Variants in MRNIP observed in about 807,000 individuals in gnomAD.
MRNIP encodes the protein MRN complex-interacting protein.
Under a neutral mutation model 29.8 loss-of-function variants are expected in MRNIP, and 30 were observed. The ratio of observed to expected loss-of-function variants is 1.01; its 90% CI spans 0.75 to 1.36. The LOEUF (loss-of-function observed/expected upper bound fraction) is 1.36. MRNIP is among the 40% of genes most tolerant of loss of function. The pLI is 0.00. For missense variants in MRNIP, 459 were observed against 423.5 expected (o/e 1.08, Z -0.74); for synonymous variants, 201 against 164.1 (o/e 1.23, Z -1.72).
intron 6 of MRNIP, chr5:179,840,588 A>T: frequency 1.8e-6 from 1 of 565,252 alleles, no homozygotes; most frequent in Non-Finnish European, 3.1e-6. Flanking sequence ...GATGGCCCTG[A>T]CCCATCGTCA....
At position 179,840,946 on chromosome 5, in the gene MRNIP, T is replaced by TC. The variant is rs1205899165; in HGVS notation, c.462dup (p.Ser155GlufsTer18). On this transcript the variant is annotated frameshift_variant, in exon 6 of 7. Transcript: ENST00000292586. LOFTEE classifies it high-confidence loss of function. ...CGGCTGCACGGAGGCTGGACGGTGCTCCTGCTCCACTTCCTGTCAGGACAG... is the reference window on the plus strand; with the variant it reads ...CGGCTGCACGGAGGCTGGACGGTGCTCCCTGCTCCACTTCCTGTCAGGACAG... 5 of 1,607,578 alleles carry TC rather than the reference T, an allele frequency of 3.1e-6. No homozygotes were observed. The highest frequency in any genetic ancestry group is 4.2e-6 in the Non-Finnish European group (5 of 1,177,412).
intron 4 of MRNIP, among the ~76,000 whole-genome samples, chr5:179,842,277 C>T (rs932412975): frequency 6.6e-6 from 1 of 152,106 alleles, no homozygotes; most frequent in South Asian, 2.1e-4. Flanking sequence ...CGGCAGGGCA[C>T]GGCCCACCAA....
chr5:179,840,740 A>G (rs2113539327), intron 6 of MRNIP, 132 bp downstream of exon 6: 1 of 724,914 alleles, frequency 1.4e-6, no homozygotes, highest in South Asian at 1.7e-5. Flanking sequence ...CAGAAAAGAC[A>G]AGAAACCCGG....
At chr5:179,841,879 A>T (rs1479270766) in intron 5 of MRNIP, 28 bp downstream of exon 5, 1 of 1,609,838 alleles carries the variant, frequency 6.2e-7, no homozygotes, top group Non-Finnish European at 8.5e-7. Context: ...GCCCTGGGCC[A>T]GGGCTGGAAC....
In MRNIP at chr5:179,837,581, G is replaced by A; in HGVS notation, c.842C>T (p.Ala281Val). Residue 281 changes from alanine (A) to valine (V), a missense_variant, in exon 7 of 7, where the codon GCC (alanine) becomes GTC (valine). By Grantham distance (64) the Ala-to-Val change is moderately conservative. Coordinates refer to ENST00000292586, the MANE Select transcript of MRNIP (RefSeq NM_016175.4). ...ASREGLSRPT[A>V]AVQLPRATHP... ...TGTGGCCCGAGGAAGCTGGACAGCG[G>A]CAGTGGGCCTGCTGAGGCCTTCTCT... The A allele has an allele frequency of 6.2e-7, 1 of 1,614,250 alleles. No homozygotes were observed. The highest frequency in any genetic ancestry group is 8.5e-7 in the Non-Finnish European group (1 of 1,180,046).
At chr5:179,848,100 G>C in intron 2 of MRNIP, 34 bp from the exon 3 acceptor site, 1 of 1,515,884 alleles carries the variant, frequency 6.6e-7, no homozygotes, top group Non-Finnish European at 9.2e-7. Flanking sequence ...CATTGAAAAA[G>C]TGCTGGCAGA....
Position 179,840,858 on chromosome 5 carries a change from T to C in MRNIP, c.537+14A>G. Reference sequence around the variant, plus strand: ...GTGGTCACTGGGACCAGAGAGAAACTGTTTGTCACTGACCTTCTGGGGTCC... The same window carrying C: ...GTGGTCACTGGGACCAGAGAGAAACCGTTTGTCACTGACCTTCTGGGGTCC... On this transcript the variant is annotated intron_variant, in intron 6 of 6. Coordinates refer to ENST00000292586, the MANE Select transcript of MRNIP (RefSeq NM_016175.4). 6.3e-7 allele frequency: 1 copy of C among 1,579,532 alleles called. No individual in the cohort carries two copies. The highest frequency in any genetic ancestry group is 8.7e-7 in the Non-Finnish European group (1 of 1,151,690).
At chr5:179,841,229 G>T in intron 5 of MRNIP, 1 of 463,392 alleles carries the variant, frequency 2.2e-6, no homozygotes, top group Non-Finnish European at 3.9e-6. Flanking sequence ...TGACCTCCTG[G>T]GCTCAGGTGA....
chr5:179,851,354 G>C (rs1384869917), intron 2 of MRNIP: 4 of 455,996 alleles, frequency 8.8e-6, no homozygotes, highest in Non-Finnish European at 1.8e-5. Flanking sequence ...ATTTATAATT[G>C]AGACTCAGCT....
chr5:179,841,080 G>C (rs952613109), intron 5 of MRNIP, 121 bp from the exon 6 acceptor site: 5 of 659,498 alleles, frequency 7.6e-6, no homozygotes, highest in Non-Finnish European at 1.3e-5. Flanking sequence ...GGCTTCCCAG[G>C]CAGCTGCTCA....
rs143664576 is a variant in MRNIP, at chr5:179,837,734, G to A, written c.689C>T (p.Ala230Val). 6.9e-5 allele frequency: 112 copies of A among 1,614,230 alleles called. No homozygotes were observed. In the East Asian group the frequency reaches 1.9e-3, roughly 28 times the overall value. Reference sequence around the variant, plus strand: ...TTTTCTAGGTGGCAGGACAAATTGCGCCCATTTAGAGGATGTGGCTGTAAC... The same window carrying A: ...TTTTCTAGGTGGCAGGACAAATTGCACCCATTTAGAGGATGTGGCTGTAAC... ...QQVTATSSKW[A>V]QFVLPPRKSS... Residue 230 changes from alanine (A) to valine (V), a missense_variant, in exon 7 of 7, where the codon GCG becomes GTG. By Grantham distance (64) the Ala-to-Val change is moderately conservative. Transcript: ENST00000292586.
Position 179,837,439 on chromosome 5 carries a change from T to C in MRNIP, c.984A>G (p.Arg328=). 6.2e-7 allele frequency: 1 copy of C among 1,609,516 alleles called. No individual in the cohort carries two copies. The highest frequency in any genetic ancestry group is 8.5e-7 in the Non-Finnish European group (1 of 1,177,348). ...VLEAQNPRPT[R]LCDLFITGED... Reference sequence around the variant, plus strand: ...CCCCAGTTATAAAGAGGTCACATAGTCGTGTGGGTCGAGGATTCTGTGCCT... The same window carrying C: ...CCCCAGTTATAAAGAGGTCACATAGCCGTGTGGGTCGAGGATTCTGTGCCT... The change falls in exon 7 of 7, where the codon CGA becomes CGG. Residue 328 remains arginine (R), a synonymous_variant. Coordinates refer to ENST00000292586, the MANE Select transcript of MRNIP (RefSeq NM_016175.4).
intron 5 of MRNIP, chr5:179,841,698 G>A (rs1758884805): frequency 3.3e-6 from 2 of 608,134 alleles, no homozygotes; most frequent in East Asian, 2.8e-5. Context: ...CGGGTGTCCT[G>A]CCCAGCCTTC....
At chr5:179,857,314 A>C (rs1471645254) in intron 1 of MRNIP, among the ~76,000 whole-genome samples, 1 of 151,972 alleles carries the variant, frequency 6.6e-6, no homozygotes, top group Non-Finnish European at 1.5e-5. Flanking sequence ...TACAAAAATT[A>C]ACTGGGCTTG....
chr5:179,843,789 AG>A (rs781702770), intron 4 of MRNIP, among the ~76,000 whole-genome samples: 1 of 152,158 alleles, frequency 6.6e-6, no homozygotes, highest in Non-Finnish European at 1.5e-5. Context: ...GTCTGGAACA[AG>A]GAAAGATGGA....
At chr5:179,849,197 C>A (rs558615541) in intron 2 of MRNIP, among the ~76,000 whole-genome samples, 4 of 141,946 alleles carry the variant, frequency 2.8e-5, no homozygotes, top group Non-Finnish European at 4.6e-5. Context: ...GCAGATGGTA[C>A]GAGACGGAAT....
At chr5:179,838,230 G>T (rs1037306000) in intron 6 of MRNIP, 1 of 323,488 alleles carries the variant, frequency 3.1e-6, no homozygotes, top group African/African-American at 2.1e-5. Flanking sequence ...AAAGGGGTGC[G>T]CTGGCTCCAT....
chr5:179,850,951 G>T, intron 2 of MRNIP: 1 of 305,948 alleles, frequency 3.3e-6, no homozygotes, highest in South Asian at 2.9e-5. Context: ...GAGCCTCAGG[G>T]AATAGAAGCA....
At position 179,840,732 on chromosome 5, in the gene MRNIP, GA is replaced by G; in HGVS notation, c.537+139del. The G allele has an allele frequency of 5.8e-6, 4 of 692,912 alleles. No homozygotes were observed. In the South Asian group the frequency reaches 6.8e-5, roughly 12 times the overall value. The allele number at this position is 692,912 out of a possible 1,614,324, so 42.9% of individuals were successfully genotyped here. A position where few individuals can be genotyped will look rare whatever the true frequency, so the allele number is the denominator to read the frequency against. On this transcript the variant is annotated intron_variant, in intron 6 of 6. Coordinates refer to ENST00000292586, the MANE Select transcript of MRNIP (RefSeq NM_016175.4). ...CCGAGGAAGGAGTTGGCTTCAGACA[GA>G]AAAGACAAGAAACCCGGGTGGGAAG...
Sources: gnomAD v4.1 joint callset for allele counts (sites outside exome capture counted in the v4.1 genomes callset) on GRCh38, gnomAD v4.1.1 for gene constraint, MANE v1.5 for transcripts, NCBI Gene and HGNC (gene_info 2026-07-23, HGNC 2026-07-21) for gene names.